Variants in ANO1 observed in about 807,000 individuals in gnomAD.
ANO1 encodes the protein anoctamin-1.
ANO1 carries 59 observed loss-of-function variants against 124.0 expected under a neutral mutation model. The observed-to-expected ratio is 0.48, with a 90% confidence interval of 0.39 to 0.59. The LOEUF is 0.59. ANO1 is among the 20% of genes least tolerant of loss of function. The pLI is 0.00. For missense variants in ANO1, 1,059 were observed against 1,328.0 expected, an observed-to-expected ratio of 0.80 and a Z score of 3.15; for synonymous variants, 529 against 532.0, an observed-to-expected ratio of 0.99 and a Z score of 0.08.
the ANO1 span, among the ~76,000 whole-genome samples, chr11:69,978,229 C>G: frequency 1.3e-5 from 2 of 152,316 alleles, no homozygotes; most frequent in South Asian, 4.2e-4. Flanking sequence ...ACCAGGCTGC[C>G]ACCTCGGGTC....
chr11:70,050,366 G>A (rs1035637054), intron 1 of ANO1, among the ~76,000 whole-genome samples: 3 of 152,142 alleles, frequency 2.0e-5, no homozygotes, highest in Non-Finnish European at 4.4e-5. Flanking sequence ...TACAGGTGCA[G>A]GCCACGGCCC....
At chr11:70,103,837 G>A (rs1468790061) in intron 3 of ANO1, among the ~76,000 whole-genome samples, 162 bp from the exon 4 acceptor site, 3 of 152,198 alleles carry the variant, frequency 2.0e-5, no homozygotes, top group African/African-American at 4.8e-5. Context: ...CTTTCATGGC[G>A]TGGGCGGGGT....
At chr11:70,103,911 G>C in intron 3 of ANO1, 88 bp from the exon 4 acceptor site, 3 of 1,442,334 alleles carry the variant, frequency 2.1e-6, no homozygotes, top group East Asian at 4.9e-5. Flanking sequence ...CATGGGGTGG[G>C]ATGGTTCTCT....
intron 1 of ANO1, among the ~76,000 whole-genome samples, chr11:70,036,394 T>C (rs1162460240): frequency 6.6e-6 from 1 of 152,162 alleles, no homozygotes; most frequent in East Asian, 1.9e-4. Flanking sequence ...CTAATTACTC[T>C]ATAAAACCCT....
chr11:70,182,820 A>T, intron 24 of ANO1, 134 bp downstream of exon 24: 1 of 913,390 alleles, frequency 1.1e-6, no homozygotes, highest in Non-Finnish European at 1.5e-6. Flanking sequence ...AAGAAGGAAA[A>T]AAAAAAAGGC....
chr11:70,044,566 G>C (rs1251079129), intron 1 of ANO1, among the ~76,000 whole-genome samples: 1 of 152,026 alleles, frequency 6.6e-6, no homozygotes, highest in African/African-American at 2.4e-5. Flanking sequence ...AATGAAGAAG[G>C]AAAGTTATTA....
the ANO1 span, among the ~76,000 whole-genome samples, chr11:69,976,535 AAAAAAAAAAAAAAAAAAAAG>A: frequency 1.4e-4 from 5 of 35,248 alleles, 1 homozygote; most frequent in Admixed American, 1.3e-3. Context: ...AAAAAAAAAA[AAAAAAAAAAAAAAAAAAAAG>A]AGAGAGAGAG....
chr11:70,089,990 G>GGTTTTTTT (rs1341506632), intron 2 of ANO1, among the ~76,000 whole-genome samples: 86 of 4,846 alleles, frequency 0.018, 1 homozygote, highest in Middle Eastern at 0.25. Context: ...TGTTCCCCAG[G>GGTTTTTTT]GTTTGTTTGT....
Position 70,095,299 on chromosome 11 carries a change from G to GGAAGGAAAGAAA in ANO1, c.441+7218_441+7219insGGAAAGAAAGAA, listed in dbSNP as rs1555017361. 9.8e-4 allele frequency among the ~76,000 whole-genome samples: 50 copies of GGAAGGAAAGAAA among 50,970 alleles called. 4 individuals are homozygous for GGAAGGAAAGAAA. Among genetic ancestry groups the GGAAGGAAAGAAA allele is most frequent in the African/African-American group, 3.7e-3 (41 of 11,206 alleles). 33.4% of individuals were successfully genotyped at this position (50,970 alleles called of 152,430 possible). A position where few individuals can be genotyped will look rare whatever the true frequency, so the allele number is the denominator to read the frequency against. On this transcript the variant is annotated intron_variant, in intron 2 of 25. Coordinates refer to ENST00000355303, the MANE Select transcript of ANO1 (RefSeq NM_018043.7). ...AGGAAGGAAGGAAGGAAGGAAGGAA[G>GGAAGGAAAGAAA]GAAAGAAAGAAAGAAAGAAAGGAAA...
intron 11 of ANO1, among the ~76,000 whole-genome samples, chr11:70,148,798 A>C (rs2135618025): frequency 6.6e-6 from 1 of 152,298 alleles, no homozygotes; most frequent in Admixed American, 6.5e-5. Flanking sequence ...GCCCAGGGGA[A>C]CGAGGCCCCA....
At chr11:70,095,410 GAA>G (rs756138493) in intron 2 of ANO1, among the ~76,000 whole-genome samples, 1 of 57,868 alleles carries the variant, frequency 1.7e-5, no homozygotes, top group Non-Finnish European at 4.2e-5. Context: ...AAGAAAGAAA[GAA>G]AGAAAGAAAG....
the ANO1 span, among the ~76,000 whole-genome samples, chr11:69,978,994 C>T: frequency 6.6e-6 from 1 of 152,148 alleles, no homozygotes; most frequent in Non-Finnish European, 1.5e-5. Flanking sequence ...TAAATATTTG[C>T]ACCATTAATT....
At position 70,059,736 on chromosome 11, in the gene ANO1, C is replaced by T. The variant is rs556503309; in HGVS notation, c.59-18806C>T. ...GGGTAAGCCAGAGGCTTGTATCCCA[C>T]GTAGAAGTGATCATGAAGGAAAGAA... is the stretch of plus-strand genomic sequence containing the variant. On this transcript the variant is annotated intron_variant, in intron 1 of 27. Transcript: ENST00000531349. Among the ~76,000 whole-genome samples the T allele has an allele frequency of 3.0e-4, 46 of 152,068 alleles. 2 individuals carry two copies. In the South Asian group the frequency reaches 9.1e-3, roughly 30 times the overall value.
intron 11 of ANO1, among the ~76,000 whole-genome samples, chr11:70,142,457 A>G (rs2047191077): frequency 6.6e-6 from 1 of 152,138 alleles, no homozygotes; most frequent in South Asian, 2.1e-4. Context: ...AGAGCGAAAG[A>G]GAAGGCTGGA....
upstream of ANO1, among the ~76,000 whole-genome samples, chr11:70,073,335 T>C (rs1279397784): frequency 1.3e-5 from 2 of 152,088 alleles, no homozygotes; most frequent in Non-Finnish European, 2.9e-5. Context: ...CTAAACTTCT[T>C]CCCACACCTC....
At chr11:70,087,675 G>A in intron 1 of ANO1, 77 bp from the exon 2 acceptor site, 1 of 1,353,588 alleles carries the variant, frequency 7.4e-7, no homozygotes, top group South Asian at 1.6e-5. Flanking sequence ...GTGAGTGGAT[G>A]AAGGGAGCAG....
At chr11:70,094,678 G>A (rs968865264) in intron 2 of ANO1, among the ~76,000 whole-genome samples, 16 of 152,278 alleles carry the variant, frequency 1.1e-4, no homozygotes, top group East Asian at 5.8e-4. Flanking sequence ...TGCAGTCCCC[G>A]TTCTCCCCCA....
At chr11:69,968,815 A>G in the ANO1 span, among the ~76,000 whole-genome samples, 1 of 152,192 alleles carries the variant, frequency 6.6e-6, no homozygotes, top group East Asian at 1.9e-4. Context: ...GCAGCAGGGA[A>G]TGGTACTCTT....
upstream of ANO1, among the ~76,000 whole-genome samples, chr11:70,076,790 C>T (rs900363048): frequency 2.6e-5 from 4 of 152,198 alleles, no homozygotes; most frequent in African/African-American, 4.8e-5. Flanking sequence ...CTTCCTGCAC[C>T]GCCCCAAGTT....
Sources: gnomAD v4.1 joint callset for allele counts (sites outside exome capture counted in the v4.1 genomes callset) on GRCh38, gnomAD v4.1.1 for gene constraint, MANE v1.5 for transcripts, NCBI Gene and HGNC (gene_info 2026-07-23, HGNC 2026-07-21) for gene names.